The following GRIN2A variants were observed in gnomAD, a reference collection of about 807,000 sequenced individuals.
GRIN2A encodes glutamate ionotropic receptor NMDA type subunit 2A.
A neutral mutation model predicts 113.4 loss-of-function variants in GRIN2A; 22 were observed. That is an observed-to-expected ratio of 0.19 (90% confidence interval 0.14 to 0.28). The LOEUF is 0.28. Ranked by LOEUF, GRIN2A falls within the 10% of genes least tolerant of loss-of-function variation. The probability of loss-of-function intolerance (pLI) is 1.00; values close to 1 mark genes in which losing one functional copy is unlikely to be tolerated. For synonymous variants in GRIN2A, 827 were observed against 738.4 expected, an observed-to-expected ratio of 1.12 and a Z score of -1.94; for missense variants, 1,502 against 1,887.0, an observed-to-expected ratio of 0.80 and a Z score of 3.78.
intron 2 of GRIN2A, among the ~76,000 whole-genome samples, chr16:10,175,764 T>C (rs2050130219): frequency 6.6e-6 from 1 of 152,188 alleles, no homozygotes; most frequent in African/African-American, 2.4e-5. Flanking sequence ...CTGAGCCTCG[T>C]CTTTTCCTGC....
At chr16:9,909,449 G>A (rs2044091159) in intron 3 of GRIN2A, among the ~76,000 whole-genome samples, 1 of 152,232 alleles carries the variant, frequency 6.6e-6, no homozygotes, top group Admixed American at 6.5e-5. Context: ...CATCCAGTAT[G>A]GCAGCCACTA....
chr16:9,988,416 C>T (rs1306035400), intron 2 of GRIN2A, among the ~76,000 whole-genome samples: 2 of 151,984 alleles, frequency 1.3e-5, no homozygotes, highest in Non-Finnish European at 2.9e-5. Flanking sequence ...ATCCATACAA[C>T]CATTTTCCAA....
intron 11 of GRIN2A, among the ~76,000 whole-genome samples, chr16:9,775,672 A>G (rs1435923899): frequency 3.3e-5 from 5 of 152,228 alleles, no homozygotes; most frequent in African/African-American, 4.8e-5. Context: ...GAATGCTAAG[A>G]ACTTGATTTT....
chr16:10,081,876 G>C (rs992072491), intron 2 of GRIN2A, among the ~76,000 whole-genome samples: 4 of 152,204 alleles, frequency 2.6e-5, no homozygotes, highest in African/African-American at 9.6e-5. Context: ...AGATTGGTAA[G>C]CTGAGACCTA....
chr16:9,812,462 A>T (rs540683033), intron 10 of GRIN2A, among the ~76,000 whole-genome samples: 25 of 152,232 alleles, frequency 1.6e-4, no homozygotes, highest in Middle Eastern at 3.4e-3. Context: ...AACATGGCGA[A>T]ACCCCGTCTC....
chr16:10,125,786 T>C (rs1158592274), intron 2 of GRIN2A, among the ~76,000 whole-genome samples: 1 of 151,646 alleles, frequency 6.6e-6, no homozygotes, highest in Non-Finnish European at 1.5e-5. Context: ...GCCAAGAAAA[T>C]CAGGCGTCCT....
Position 9,938,417 on chromosome 16 carries a change from G to A in GRIN2A, c.549C>T (p.Phe183=), listed in dbSNP as rs748399526. Residue 183 remains phenylalanine (F), a synonymous_variant, in exon 3 of 13, where the codon TTC becomes TTT. Transcript: ENST00000330684. ...VTTIFPGYRE[F]ISFVKTTVDN... is the part of the protein sequence containing the mutation. ...CCACTGTGGTCTTGACGAAGCTGAT[G>A]AATTCCCTGTAGCCAGGGAAGATAG... 6.2e-7 allele frequency: 1 copy of A among 1,614,008 alleles called. No homozygotes were observed.
At chr16:9,830,370 A>G (rs1304656659) in intron 8 of GRIN2A, among the ~76,000 whole-genome samples, 1 of 152,164 alleles carries the variant, frequency 6.6e-6, no homozygotes, top group African/African-American at 2.4e-5. Flanking sequence ...TGTTCCTTGC[A>G]ACAGACTTAA....
chr16:10,126,896 T>C (rs2048950949), intron 2 of GRIN2A, among the ~76,000 whole-genome samples: 1 of 152,208 alleles, frequency 6.6e-6, no homozygotes, highest in Non-Finnish European at 1.5e-5. Flanking sequence ...CTACACTTTT[T>C]ACCAGCTCTG....
In GRIN2A at chr16:10,105,885, T is replaced by C. The variant is rs560573699; in HGVS notation, c.414+74113A>G. Among the ~76,000 whole-genome samples, 3 of 152,282 alleles carry C rather than the reference T, an allele frequency of 2.0e-5. No homozygotes were observed. In the South Asian group the frequency reaches 6.2e-4, roughly 32 times the overall value. On this transcript the variant is annotated intron_variant, in intron 2 of 12. Coordinates refer to ENST00000330684, the MANE Select transcript of GRIN2A (RefSeq NM_001134407.3). ...TCGTGCCACTGCACGCCAGCCTCGGTGACAAGGCAAGACTCTATCTCCAAA... is the reference window on the plus strand; with the variant it reads ...TCGTGCCACTGCACGCCAGCCTCGGCGACAAGGCAAGACTCTATCTCCAAA...
intron 2 of GRIN2A, among the ~76,000 whole-genome samples, chr16:10,012,906 G>C (rs78852925): frequency 3.3e-5 from 5 of 152,182 alleles, no homozygotes; most frequent in African/African-American, 9.6e-5. Context: ...AAGCCAGTAA[G>C]TTTGCGGTAA....
rs570563361 is a variant in GRIN2A, at chr16:9,955,649, G to A, written c.415-17098C>T. Among the ~76,000 whole-genome samples the A allele has an allele frequency of 5.4e-4, 83 of 152,298 alleles. 1 individual carries two copies. The highest frequency in any genetic ancestry group is 3.4e-3 in the Middle Eastern group (1 of 294). ...CCATTTAAACAAATTGTCCAGAAAG[G>A]CAGGGGCTATGTGTGCTGTTTTATT... On this transcript the variant is annotated intron_variant, in intron 2 of 12. Coordinates refer to ENST00000330684, the MANE Select transcript of GRIN2A (RefSeq NM_001134407.3).
chr16:9,966,679 C>G (rs2045562040), intron 2 of GRIN2A, among the ~76,000 whole-genome samples: 1 of 152,136 alleles, frequency 6.6e-6, no homozygotes, highest in African/African-American at 2.4e-5. Context: ...GTCTTTAGGT[C>G]TTCGAGAAAT....
intron 10 of GRIN2A, among the ~76,000 whole-genome samples, chr16:9,800,579 G>A (rs373664803): frequency 6.6e-6 from 1 of 151,842 alleles, no homozygotes; most frequent in Non-Finnish European, 1.5e-5. Flanking sequence ...GTTTACAGCC[G>A]TGTTCTTCAT....
intron 2 of GRIN2A, among the ~76,000 whole-genome samples, chr16:9,972,971 T>C (rs966625810): frequency 3.3e-5 from 5 of 152,208 alleles, no homozygotes; most frequent in African/African-American, 1.2e-4. Flanking sequence ...TCAGGAGTTC[T>C]GATTGGCTGT....
At chr16:9,873,516 C>A (rs34635902) in intron 4 of GRIN2A, among the ~76,000 whole-genome samples, 34,373 of 151,530 alleles carry the variant, frequency 0.23, 4,042 homozygotes, top group African/African-American at 0.25. Context: ...GCCTGAGAAA[C>A]AAAGTGAGAC....
Position 9,842,951 on chromosome 16 carries a change from A to AAGAGAGAGAG in GRIN2A, c.1329-1857_1329-1848dup, listed in dbSNP as rs57545330. ...GTCGAGAGAAAGAGAGAAAGAAAGA[A>AAGAGAGAGAG]AGAGAGAGAGAGAGAGAGAGGAAGA... On this transcript the variant is annotated intron_variant, in intron 5 of 12. Transcript: ENST00000330684. 1.9e-3 allele frequency among the ~76,000 whole-genome samples: 280 copies of AAGAGAGAGAG among 145,230 alleles called. 1 individual carries two copies. Among genetic ancestry groups the AAGAGAGAGAG allele is most frequent in the Middle Eastern group, 0.01 (3 of 294 alleles).
At chr16:9,854,192 T>C (rs1281566552) in intron 4 of GRIN2A, among the ~76,000 whole-genome samples, 1 of 152,110 alleles carries the variant, frequency 6.6e-6, no homozygotes. Flanking sequence ...GATTAATGTG[T>C]CCATATGTGC....
At chr16:10,147,884 G>A (rs967847405) in intron 2 of GRIN2A, among the ~76,000 whole-genome samples, 2 of 152,098 alleles carry the variant, frequency 1.3e-5, no homozygotes, top group African/African-American at 2.4e-5. Flanking sequence ...TTTCCTCTAC[G>A]AACTCTGGTC....
Sources: gnomAD v4.1 joint callset for allele counts (sites outside exome capture counted in the v4.1 genomes callset) on GRCh38, gnomAD v4.1.1 for gene constraint, MANE v1.5 for transcripts, NCBI Gene and HGNC (gene_info 2026-07-23, HGNC 2026-07-21) for gene names.